Variants in FNDC3A observed in about 807,000 individuals in gnomAD.
FNDC3A encodes the protein fibronectin type-III domain-containing protein 3A.
Under a neutral mutation model 148.9 loss-of-function variants are expected in FNDC3A, and 32 were observed. The ratio of observed to expected loss-of-function variants is 0.21; its 90% CI spans 0.16 to 0.29. FNDC3A has a LOEUF of 0.29. Ranked by LOEUF, FNDC3A falls within the 10% of genes least tolerant of loss-of-function variation. FNDC3A has a pLI of 1.00. For missense variants in FNDC3A, 1,191 were observed against 1,452.8 expected, an observed-to-expected ratio of 0.82 and a Z score of 2.93; for synonymous variants, 472 against 473.6, an observed-to-expected ratio of 1.00 and a Z score of 0.04.
chr13:49,113,340 C>G (rs916079038), intron 3 of FNDC3A, among the ~76,000 whole-genome samples: 1 of 151,068 alleles, frequency 6.6e-6, no homozygotes, highest in Non-Finnish European at 1.5e-5. Flanking sequence ...TTCCCTCTTA[C>G]ACCCCCTTTC....
At position 49,076,830 on chromosome 13, in the gene FNDC3A, A is replaced by G. The variant is rs531590446; in HGVS notation, c.175+1466A>G. ...CTAGTTGTATTTTTAAAGTTATTTA[A>G]ATTTTGTATTGTTTAACATAAAATT... On this transcript the variant is annotated intron_variant, in intron 3 of 25. Transcript: ENST00000492622. 6.6e-5 allele frequency among the ~76,000 whole-genome samples: 10 copies of G among 152,310 alleles called. No homozygotes were observed. In the South Asian group the frequency reaches 1.9e-3, roughly 28 times the overall value.
chr13:49,032,772 T>G (rs1216051181), intron 2 of FNDC3A, among the ~76,000 whole-genome samples: 1 of 151,822 alleles, frequency 6.6e-6, no homozygotes, highest in Non-Finnish European at 1.5e-5. Context: ...CTTTTTGAGG[T>G]GATAAGAATG....
intron 6 of FNDC3A, among the ~76,000 whole-genome samples, chr13:49,137,623 G>T (rs1263019578): frequency 6.6e-6 from 1 of 152,178 alleles, no homozygotes; most frequent in East Asian, 1.9e-4. Context: ...AAGATTACAG[G>T]CATGAGCCTA....
intron 2 of FNDC3A, among the ~76,000 whole-genome samples, chr13:49,031,926 G>T (rs1874149653): frequency 1.3e-5 from 2 of 152,170 alleles, no homozygotes; most frequent in African/African-American, 4.8e-5. Context: ...TATTCAGAAT[G>T]TGTGAAGAAC....
intron 2 of FNDC3A, among the ~76,000 whole-genome samples, chr13:49,064,408 C>CT (rs1291701622): frequency 1.7e-4 from 14 of 83,368 alleles, no homozygotes; most frequent in Admixed American, 1.4e-3. Flanking sequence ...CCCGCCCCCC[C>CT]CCCAAAAAAA....
intron 2 of FNDC3A, among the ~76,000 whole-genome samples, chr13:49,029,470 A>G (rs186846378): frequency 5.6e-4 from 85 of 152,328 alleles, no homozygotes; most frequent in Admixed American, 9.1e-4. Context: ...TTTAAAAAGA[A>G]AGCTCTCAAA....
At chr13:49,023,898 C>T (rs745594472) in intron 2 of FNDC3A, among the ~76,000 whole-genome samples, 1 of 151,846 alleles carries the variant, frequency 6.6e-6, no homozygotes. Flanking sequence ...GCTTTTTCAA[C>T]TCATAACGTT....
chr13:49,150,043 T>C (rs1045872291), intron 8 of FNDC3A, among the ~76,000 whole-genome samples: 2 of 152,100 alleles, frequency 1.3e-5, no homozygotes, highest in Non-Finnish European at 2.9e-5. Flanking sequence ...CCACTTCTGA[T>C]TTTATTTGGG....
chr13:49,173,990 A>G (rs1181230871), intron 11 of FNDC3A, among the ~76,000 whole-genome samples: 1 of 152,122 alleles, frequency 6.6e-6, no homozygotes, highest in African/African-American at 2.4e-5. Flanking sequence ...TATTTTAAAG[A>G]AGTTTATGAG....
chr13:48,998,565 G>GA (rs1047658118), intron 1 of FNDC3A, among the ~76,000 whole-genome samples: 1 of 151,964 alleles, frequency 6.6e-6, no homozygotes, highest in African/African-American at 2.4e-5. Flanking sequence ...TCCAAAATCT[G>GA]AAAAAAATGT....
At chr13:49,158,941 A>T (rs187090874) in intron 8 of FNDC3A, among the ~76,000 whole-genome samples, 105 of 152,206 alleles carry the variant, frequency 6.9e-4, no homozygotes, top group African/African-American at 2.3e-3. Context: ...GATATGTGGT[A>T]TTATTTCTGA....
intron 25 of FNDC3A, among the ~76,000 whole-genome samples, chr13:49,205,796 A>G (rs1886617769): frequency 6.6e-6 from 1 of 152,224 alleles, no homozygotes; most frequent in South Asian, 2.1e-4. Context: ...ATATATTGTT[A>G]TCAGCATCCA....
At chr13:49,136,762 C>G (rs1315959109) in intron 6 of FNDC3A, among the ~76,000 whole-genome samples, 161 bp downstream of exon 6, 2 of 152,170 alleles carry the variant, frequency 1.3e-5, no homozygotes, top group Non-Finnish European at 2.9e-5. Context: ...GTAATTTCAT[C>G]TATATCGTAA....
In FNDC3A at chr13:49,168,620, G is replaced by A; in HGVS notation, c.1045G>A (p.Ala349Thr). ...TTTATTTTATCACCATAGAGTCCAG[G>A]CAGAATATAATTCTATAAAGGGAAC... ...PAMDYHAKVQ[A>T]EYNSIKGTPS... Residue 349 changes from alanine (A) to threonine (T), a missense_variant, in exon 10 of 26, where the codon GCA (alanine) becomes ACA (threonine). Coordinates refer to ENST00000492622, the MANE Select transcript of FNDC3A (RefSeq NM_001079673.2). 6.2e-7 allele frequency: 1 copy of A among 1,609,156 alleles called. No homozygotes were observed. The highest frequency in any genetic ancestry group is 8.5e-7 in the Non-Finnish European group (1 of 1,175,748).
chr13:49,055,878 A>T (rs939107393), intron 2 of FNDC3A, among the ~76,000 whole-genome samples: 2 of 152,200 alleles, frequency 1.3e-5, no homozygotes, highest in Admixed American at 6.5e-5. Context: ...TTTGGCTCAG[A>T]ATATATCTTT....
At position 49,188,568 on chromosome 13, in the gene FNDC3A, C is replaced by T; in HGVS notation, c.1879C>T (p.Arg627Ter). The T allele has an allele frequency of 1.2e-6, 2 of 1,613,946 alleles. No individual in the cohort carries two copies. Among genetic ancestry groups the T allele is most frequent in the Non-Finnish European group, 1.7e-6 (2 of 1,179,836 alleles). ...TGCTACCAGGGAACATCTTTGTGAT[C>T]GACTGAATCCAGGCTGTTTCTATCG... Reference protein sequence around the residue: ...SGATREHLCDRLNPGCFYRLR... With the variant: ...SGATREHLCD Residue 627 changes from arginine to a stop codon, truncating the protein, a stop_gained, in exon 17 of 26, where the codon CGA becomes TGA. Transcript: ENST00000492622. LOFTEE classifies it high-confidence loss of function.
chr13:48,980,685 A>C (rs1439063585), intron 1 of FNDC3A, among the ~76,000 whole-genome samples: 1 of 152,312 alleles, frequency 6.6e-6, no homozygotes, highest in African/African-American at 2.4e-5. Flanking sequence ...TTTCTAAGGC[A>C]GTTCTGTTTC....
At chr13:49,047,175 T>G (rs1290247252) in intron 2 of FNDC3A, among the ~76,000 whole-genome samples, 1 of 152,140 alleles carries the variant, frequency 6.6e-6, no homozygotes, top group Non-Finnish European at 1.5e-5. Context: ...CTGAGTAGTA[T>G]TCCATGGTGT....
chr13:49,015,898 A>G (rs1952488113), intron 2 of FNDC3A, among the ~76,000 whole-genome samples: 1 of 151,460 alleles, frequency 6.6e-6, no homozygotes, highest in African/African-American at 2.4e-5. Context: ...TATATGCTGG[A>G]TTACATTTAT....
Sources: gnomAD v4.1 joint callset for allele counts (sites outside exome capture counted in the v4.1 genomes callset) on GRCh38, gnomAD v4.1.1 for gene constraint, MANE v1.5 for transcripts, NCBI Gene and HGNC (gene_info 2026-07-23, HGNC 2026-07-21) for gene names.